ARHGAP24: variants seen among roughly 807,000 people sequenced by gnomAD.
ARHGAP24 encodes the protein rho GTPase-activating protein 24.
Under a neutral mutation model 76.4 loss-of-function variants are expected in ARHGAP24, and 50 were observed. The observed-to-expected ratio is 0.65, with a 90% CI of 0.52 to 0.83. The LOEUF is 0.83. Among genes scored for constraint, ARHGAP24 ranks in the 40% least tolerant of loss-of-function variants. The probability of loss-of-function intolerance (pLI) is 0.00; values close to 1 mark genes in which losing one functional copy is unlikely to be tolerated. For missense variants in ARHGAP24, 930 were observed against 914.2 expected (o/e 1.02, Z -0.22); for synonymous variants, 345 against 323.3 (o/e 1.07, Z -0.72).
chr4:85,894,166 A>G (rs185499065), intron 3 of ARHGAP24, among the ~76,000 whole-genome samples: 49 of 150,794 alleles, frequency 3.2e-4, no homozygotes, highest in African/African-American at 1.1e-3. Context: ...GAAAATGGTG[A>G]TTCTTATTTG....
chr4:85,505,196 G>A (rs1387650795), intron 1 of ARHGAP24, among the ~76,000 whole-genome samples: 1 of 152,084 alleles, frequency 6.6e-6, no homozygotes, highest in East Asian at 1.9e-4. Flanking sequence ...ACAATTATGT[G>A]TCTTAGGGTT....
chr4:85,935,406 C>A (rs1736575041), intron 4 of ARHGAP24, among the ~76,000 whole-genome samples: 1 of 152,156 alleles, frequency 6.6e-6, no homozygotes, highest in African/African-American at 2.4e-5. Flanking sequence ...AAAGGCTGAC[C>A]ACAGGCTCCT....
chr4:85,680,015 A>G (rs1486418040), intron 2 of ARHGAP24, among the ~76,000 whole-genome samples: 1 of 152,126 alleles, frequency 6.6e-6, no homozygotes, highest in Non-Finnish European at 1.5e-5. Context: ...CTCTGCTTCT[A>G]CCTCCCTTCG....
intron 3 of ARHGAP24, among the ~76,000 whole-genome samples, chr4:85,851,385 G>C (rs918181159): frequency 1.3e-5 from 2 of 152,142 alleles, no homozygotes; most frequent in Non-Finnish European, 1.5e-5. Flanking sequence ...ACGTTGATGG[G>C]TCTCGAATCT....
chr4:85,694,862 C>T (rs559008555), intron 2 of ARHGAP24, among the ~76,000 whole-genome samples: 11 of 152,264 alleles, frequency 7.2e-5, no homozygotes, highest in African/African-American at 2.2e-4. Context: ...TTAGCTATGA[C>T]GCTCTTGTCT....
chr4:85,636,363 G>A (rs1721307697), intron 2 of ARHGAP24, among the ~76,000 whole-genome samples: 1 of 151,820 alleles, frequency 6.6e-6, no homozygotes, highest in South Asian at 2.1e-4. Flanking sequence ...AACCTTATGG[G>A]TGTTCTAGTT....
Position 85,623,372 on chromosome 4 carries a change from G to A in ARHGAP24, c.180+52651G>A, listed in dbSNP as rs190850353. On this transcript the variant is annotated intron_variant, in intron 2 of 9. Transcript: ENST00000395184. ...GTAGGGAATCCTTTCCCCATTGCTT[G>A]TTTTTGTCAGGTTTGTCAAAGATCA... Among the ~76,000 whole-genome samples, 532 of 152,258 alleles carry A rather than the reference G, an allele frequency of 3.5e-3. 4 individuals are homozygous for A. The highest frequency in any genetic ancestry group is 0.012 in the African/African-American group (497 of 41,550).
At chr4:85,667,230 C>T (rs1017719211) in intron 2 of ARHGAP24, among the ~76,000 whole-genome samples, 11 of 152,162 alleles carry the variant, frequency 7.2e-5, no homozygotes, top group African/African-American at 1.4e-4. Context: ...GCATTGCTGC[C>T]GCCTTGCAGT....
At chr4:85,853,509 T>C (rs1052864670) in intron 3 of ARHGAP24, among the ~76,000 whole-genome samples, 2 of 152,134 alleles carry the variant, frequency 1.3e-5, no homozygotes, top group African/African-American at 4.8e-5. Context: ...CCCAATGAGA[T>C]GAACCAGGTA....
At position 85,973,843 on chromosome 4, in the gene ARHGAP24, T is replaced by TTTTTG. The variant is rs1475444493; in HGVS notation, c.733-1041_733-1040insGTTTT. On this transcript the variant is annotated intron_variant, in intron 6 of 9. Coordinates refer to ENST00000395184, the MANE Select transcript of ARHGAP24 (RefSeq NM_001025616.3). ...AAACTGCTGCCTATTGTTTTTTTTT[T>TTTTTG]TTTTTTTTTTTTTTTTTGAGACAGA... Among the ~76,000 whole-genome samples, 11 of 124,452 alleles carry TTTTTG rather than the reference T, an allele frequency of 8.8e-5. 1 individual carries two copies. In the East Asian group the frequency reaches 9.7e-4, roughly 11 times the overall value. 81.6% of individuals were successfully genotyped at this position (124,452 alleles called of 152,430 possible). A position where few individuals can be genotyped will look rare whatever the true frequency, so the allele number is the denominator to read the frequency against.
At chr4:85,508,805 C>T (rs1724161447) in intron 1 of ARHGAP24, among the ~76,000 whole-genome samples, 1 of 152,096 alleles carries the variant, frequency 6.6e-6, no homozygotes, top group African/African-American at 2.4e-5. Flanking sequence ...GCCGGGTCAG[C>T]CTGATTTCTC....
chr4:85,881,000 AT>A (rs1320313362), intron 3 of ARHGAP24, among the ~76,000 whole-genome samples: 1 of 152,136 alleles, frequency 6.6e-6, no homozygotes, highest in Non-Finnish European at 1.5e-5. Context: ...TCACCTAAAG[AT>A]TTATGGCTTC....
At chr4:85,899,829 C>T (rs1356208896) in intron 3 of ARHGAP24, among the ~76,000 whole-genome samples, 2 of 152,168 alleles carry the variant, frequency 1.3e-5, no homozygotes, top group African/African-American at 4.8e-5. Context: ...AAGGGGATGA[C>T]TTGAGCCTAA....
At chr4:85,672,074 A>G (rs532896781) in intron 2 of ARHGAP24, among the ~76,000 whole-genome samples, 16 of 152,342 alleles carry the variant, frequency 1.1e-4, no homozygotes, top group African/African-American at 3.8e-4. Context: ...ACAGGCTCAG[A>G]GAACTTTTTG....
intron 4 of ARHGAP24, among the ~76,000 whole-genome samples, chr4:85,938,395 G>A (rs1343790855): frequency 2.0e-5 from 3 of 152,058 alleles, no homozygotes; most frequent in Non-Finnish European, 4.4e-5. Context: ...GCTGGCTGGG[G>A]GCAGCACATG....
chr4:85,485,941 G>A (rs1723034292), intron 1 of ARHGAP24, among the ~76,000 whole-genome samples: 1 of 152,016 alleles, frequency 6.6e-6, no homozygotes, highest in Admixed American at 6.6e-5. Flanking sequence ...GTTTCACCAT[G>A]TTGGCCAGGC....
intron 2 of ARHGAP24, among the ~76,000 whole-genome samples, chr4:85,597,452 T>C (rs1255776299): frequency 1.3e-5 from 2 of 151,702 alleles, no homozygotes; most frequent in Admixed American, 6.6e-5. Flanking sequence ...GGAAGGAGGG[T>C]AGGAATTGCT....
chr4:85,809,372 T>C (rs535382594), intron 3 of ARHGAP24, among the ~76,000 whole-genome samples: 1 of 152,338 alleles, frequency 6.6e-6, no homozygotes, highest in Admixed American at 6.5e-5. Flanking sequence ...CATCTGGTTA[T>C]ATATTCATAT....
Position 85,684,007 on chromosome 4 carries a change from G to A in ARHGAP24, c.181-37878G>A, listed in dbSNP as rs188104436. 3.3e-5 allele frequency among the ~76,000 whole-genome samples: 5 copies of A among 152,292 alleles called. No individual in the cohort carries two copies. In the East Asian group the frequency reaches 9.6e-4, roughly 29 times the overall value. Reference sequence around the variant, plus strand: ...CTCAGTTCATATGTTGATGGGCACTGAGGTTGTTTCTACCTCTTGGCTATT... The same window carrying A: ...CTCAGTTCATATGTTGATGGGCACTAAGGTTGTTTCTACCTCTTGGCTATT... On this transcript the variant is annotated intron_variant, in intron 2 of 9. Coordinates refer to ENST00000395184, the MANE Select transcript of ARHGAP24 (RefSeq NM_001025616.3).
Sources: allele counts gnomAD v4.1 joint callset (sites outside exome capture counted in the v4.1 genomes callset), GRCh38; gene constraint gnomAD v4.1.1; transcripts MANE v1.5; gene names NCBI Gene and HGNC (gene_info 2026-07-23, HGNC 2026-07-21).